The following MANBA variants were observed in gnomAD, a reference collection of about 807,000 sequenced individuals.
MANBA encodes the protein beta-mannosidase.
MANBA carries 83 observed loss-of-function variants against 111.1 expected under a neutral mutation model. The observed-to-expected ratio is 0.75, with a 90% CI of 0.63 to 0.90. The LOEUF (loss-of-function observed/expected upper bound fraction) is 0.90. MANBA is among the 40% of genes least tolerant of loss of function. The probability of loss-of-function intolerance (pLI) is 0.00; values close to 1 mark genes in which losing one functional copy is unlikely to be tolerated. For synonymous variants in MANBA, 370 were observed against 378.7 expected, an observed-to-expected ratio of 0.98 and a Z score of 0.27; for missense variants, 1,036 against 1,069.0, an observed-to-expected ratio of 0.97 and a Z score of 0.43.
At chr4:102,649,955 C>T (rs2110202480) in intron 13 of MANBA, among the ~76,000 whole-genome samples, 1 of 152,152 alleles carries the variant, frequency 6.6e-6, no homozygotes, top group Admixed American at 6.5e-5. Context: ...ACATTTTGCC[C>T]AGGCTGGTCT....
chr4:102,690,794 AATATATAT>A, intron 5 of MANBA, 23 bp from the exon 6 acceptor site: 1 of 789,490 alleles, frequency 1.3e-6, no homozygotes, highest in African/African-American at 1.8e-5. Context: ...AAGAAAAAGA[AATATATAT>A]ATATATATAT....
intron 14 of MANBA, among the ~76,000 whole-genome samples, chr4:102,636,384 G>A (rs777432164): frequency 1.3e-5 from 2 of 152,212 alleles, no homozygotes; most frequent in East Asian, 1.9e-4. Flanking sequence ...TTGCTGTGCT[G>A]AATACTGTAG....
chr4:102,695,091 C>T (rs1183145768), intron 5 of MANBA, among the ~76,000 whole-genome samples: 3 of 152,144 alleles, frequency 2.0e-5, no homozygotes, highest in African/African-American at 4.8e-5. Context: ...TAAACAGCTA[C>T]ATAGCCTAGA....
chr4:102,650,884 G>A (rs994029831), intron 12 of MANBA, 183 bp from the exon 13 acceptor site: 13 of 585,476 alleles, frequency 2.2e-5, no homozygotes, highest in African/African-American at 2.1e-4. Flanking sequence ...CTAGCCTTGT[G>A]GAAACTGGAA....
At position 102,726,683 on chromosome 4, in the gene MANBA, C is replaced by A; in HGVS notation, c.178G>T (p.Asp60Tyr). ...SALFQQGLIQ[D>Y]SYYRFNDLNY... Reference sequence around the variant, plus strand: ...AGGTCATTAAATCTGTAGTAAGAATCCTGTTGATACAAGGTAAAAATTATG... The same window carrying A: ...AGGTCATTAAATCTGTAGTAAGAATACTGTTGATACAAGGTAAAAATTATG... Residue 60 changes from aspartate (D) to tyrosine (Y), a missense_variant and splice_region_variant, in exon 2 of 17, where the codon GAT (aspartate) becomes TAT (tyrosine). Physicochemically the swap from Asp to Tyr is radical, Grantham distance 160 (BLOSUM62 -3). Transcript: ENST00000647097. 1 of 1,429,602 alleles carries A rather than the reference C, an allele frequency of 7.0e-7. No individual in the cohort carries two copies. The allele number at this position is 1,429,602 out of a possible 1,614,324, so 88.6% of individuals were successfully genotyped here.
chr4:102,701,535 G>C (rs954693102), intron 5 of MANBA, among the ~76,000 whole-genome samples: 27 of 152,168 alleles, frequency 1.8e-4, no homozygotes, highest in Middle Eastern at 3.4e-3. Context: ...TCCTTCAGGA[G>C]CTCTTTTAGG....
chr4:102,715,635 C>T (rs1450431714), intron 4 of MANBA, among the ~76,000 whole-genome samples: 2 of 152,128 alleles, frequency 1.3e-5, no homozygotes, highest in African/African-American at 2.4e-5. Context: ...TCCTGATCTT[C>T]TCTCTCCTCC....
intron 16 of MANBA, chr4:102,633,576 G>A (rs5026471): frequency 0.53 from 208,807 of 396,118 alleles, 55,981 homozygotes; most frequent in Admixed American, 0.64. Context: ...TTAACTAACA[G>A]TATTATTACT....
At position 102,685,895 on chromosome 4, in the gene MANBA, T is replaced by C. The variant is rs1732187118; in HGVS notation, c.960+3679A>G. Among the ~76,000 whole-genome samples the C allele has an allele frequency of 4.4e-5, 6 of 134,946 alleles. 1 individual carries two copies. In the South Asian group the frequency reaches 1.6e-3, roughly 36 times the overall value. The allele number at this position is 134,946 out of a possible 152,430, so 88.5% of individuals were successfully genotyped here. On this transcript the variant is annotated intron_variant, in intron 7 of 16. Coordinates refer to ENST00000647097, the MANE Select transcript of MANBA (RefSeq NM_005908.4). ...TGTAGGACAGTTCCTCAATCTTTCC[T>C]TGACATTTTTGAAGATTATAGTAGA... is the stretch of plus-strand genomic sequence containing the variant.
At chr4:102,689,092 G>A (rs1309016857) in intron 7 of MANBA, among the ~76,000 whole-genome samples, 3 of 152,150 alleles carry the variant, frequency 2.0e-5, no homozygotes, top group African/African-American at 4.8e-5. Flanking sequence ...GCTCACGCCC[G>A]TAATCCCAGC....
Position 102,689,691 on chromosome 4 carries a change from A to C in MANBA, c.850-7T>G. ...AAGTTTCTACAGTAATATTCTTTTA[A>C]GAAAATTTAAAAGTCACTCTAATAT... On this transcript the variant is annotated splice_region_variant and splice_polypyrimidine_tract_variant and intron_variant, in intron 6 of 16. Transcript: ENST00000647097. 1 of 1,521,214 alleles carries C rather than the reference A, an allele frequency of 6.6e-7. No homozygotes were observed. The highest frequency in any genetic ancestry group is 9.1e-7 in the Non-Finnish European group (1 of 1,096,014). The allele number at this position is 1,521,214 out of a possible 1,614,324, so 94.2% of individuals were successfully genotyped here.
intron 7 of MANBA, among the ~76,000 whole-genome samples, chr4:102,676,403 T>C (rs1053562813): frequency 6.6e-6 from 1 of 152,112 alleles, no homozygotes; most frequent in Non-Finnish European, 1.5e-5. Flanking sequence ...GGGTTAGTTA[T>C]GCACCCCTGG....
intron 1 of MANBA, chr4:102,754,104 G>A (rs981507343): frequency 1.2e-5 from 3 of 256,332 alleles, no homozygotes; most frequent in Admixed American, 5.3e-5. Flanking sequence ...TGAAATAAAC[G>A]TATAAAGGTA....
At chr4:102,669,105 G>GA in intron 9 of MANBA, 56 bp from the exon 10 acceptor site, 1 of 1,299,826 alleles carries the variant, frequency 7.7e-7, no homozygotes, top group Non-Finnish European at 1.1e-6. Flanking sequence ...TTACACAGAA[G>GA]AAAGTCTTTA....
intron 12 of MANBA, among the ~76,000 whole-genome samples, chr4:102,657,237 C>T (rs1057151369): frequency 4.4e-5 from 1 of 22,802 alleles, no homozygotes; most frequent in Admixed American, 5.5e-4. Context: ...GGGGGGTGGG[C>T]GGTGGTAATG....
At chr4:102,679,029 C>CGTAT (rs1377264065) in intron 7 of MANBA, among the ~76,000 whole-genome samples, 1 of 152,154 alleles carries the variant, frequency 6.6e-6, no homozygotes, top group East Asian at 1.9e-4. Context: ...TGCTAAAATC[C>CGTAT]TTTTACATGT....
At chr4:102,695,848 T>A (rs1262387305) in intron 5 of MANBA, among the ~76,000 whole-genome samples, 1 of 152,090 alleles carries the variant, frequency 6.6e-6, no homozygotes, top group Non-Finnish European at 1.5e-5. Flanking sequence ...TAAAGCCAAA[T>A]GTCGAATATA....
At chr4:102,638,671 G>C (rs1402822770) in intron 14 of MANBA, among the ~76,000 whole-genome samples, 1 of 152,088 alleles carries the variant, frequency 6.6e-6, no homozygotes, top group East Asian at 1.9e-4. Flanking sequence ...TACCTTTCCA[G>C]CATCCCAGAA....
chr4:102,680,661 G>A (rs1023760345), intron 7 of MANBA, among the ~76,000 whole-genome samples: 1 of 152,052 alleles, frequency 6.6e-6, no homozygotes, highest in East Asian at 1.9e-4. Flanking sequence ...ATTTCCAAGA[G>A]GCTGAAATAA....
Sources: allele counts gnomAD v4.1 joint callset (sites outside exome capture counted in the v4.1 genomes callset), GRCh38; gene constraint gnomAD v4.1.1; transcripts MANE v1.5; gene names NCBI Gene and HGNC (gene_info 2026-07-23, HGNC 2026-07-21).